The following DNAH5 variants were observed in gnomAD, a reference collection of about 807,000 sequenced individuals.
DNAH5 encodes the protein axonemal beta dynein heavy chain 5.
In DNAH5, 372 loss-of-function variants were observed where a neutral mutation model predicts 518.2. That is an observed-to-expected ratio of 0.72 (90% CI 0.66 to 0.78). DNAH5 has a LOEUF of 0.78. Ranked by LOEUF, DNAH5 falls within the 30% of genes least tolerant of loss-of-function variation. DNAH5 has a pLI of 0.00. For missense variants in DNAH5, 5,523 were observed against 5,687.0 expected (o/e 0.97, Z 0.93); for synonymous variants, 2,039 against 2,025.9 (o/e 1.01, Z -0.17).
intron 61 of DNAH5, among the ~76,000 whole-genome samples, chr5:13,757,795 C>A (rs999457760): frequency 6.6e-6 from 1 of 152,078 alleles, no homozygotes; most frequent in African/African-American, 2.4e-5. Context: ...ATTTACTTTG[C>A]TTGTGGAAGA....
At chr5:13,731,279 C>G (rs1268489321) in intron 68 of DNAH5, among the ~76,000 whole-genome samples, 1 of 152,074 alleles carries the variant, frequency 6.6e-6, no homozygotes, top group Non-Finnish European at 1.5e-5. Context: ...TGAGCAAAGA[C>G]CTAAAGACAA....
At chr5:13,812,656 CTTTTT>C (rs1760876591) in intron 43 of DNAH5, among the ~76,000 whole-genome samples, 1 of 152,044 alleles carries the variant, frequency 6.6e-6, no homozygotes, top group Admixed American at 6.6e-5. Context: ...TTAGTTGTTT[CTTTTT>C]ATTTCTTCTA....
At chr5:13,730,622 G>A (rs898773652) in intron 68 of DNAH5, among the ~76,000 whole-genome samples, 7 of 151,694 alleles carry the variant, frequency 4.6e-5, no homozygotes, top group African/African-American at 1.7e-4. Context: ...TTTTAGTGAA[G>A]ACGAGGTTTC....
At chr5:13,794,113 C>A in intron 47 of DNAH5, 55 bp from the exon 48 acceptor site, 1 of 1,610,922 alleles carries the variant, frequency 6.2e-7, no homozygotes, top group South Asian at 1.1e-5. Context: ...AAAACCTGGT[C>A]AATTATTTTA....
intron 78 of DNAH5, among the ~76,000 whole-genome samples, chr5:13,693,650 CAG>C (rs1315385940): frequency 6.6e-6 from 1 of 152,202 alleles, no homozygotes; most frequent in Non-Finnish European, 1.5e-5. Flanking sequence ...GAATAGAGGT[CAG>C]GGATAATGCT....
intron 17 of DNAH5, among the ~76,000 whole-genome samples, chr5:13,886,523 C>A (rs1772458891): frequency 1.3e-5 from 2 of 152,182 alleles, no homozygotes. Context: ...AAAGACACTA[C>A]CCACCCTTCT....
intron 1 of DNAH5, among the ~76,000 whole-genome samples, chr5:13,990,569 T>TA (rs1422994609): frequency 4.0e-5 from 5 of 125,754 alleles, no homozygotes; most frequent in Non-Finnish European, 8.5e-5. Flanking sequence ...CAAAATGAAG[T>TA]AAAATAAAAA....
intron 12 of DNAH5, among the ~76,000 whole-genome samples, chr5:13,904,409 T>C (rs547450933): frequency 2.0e-5 from 3 of 148,434 alleles, no homozygotes; most frequent in African/African-American, 4.9e-5. Flanking sequence ...TATAGATATA[T>C]ATATTATAGA....
intron 65 of DNAH5, among the ~76,000 whole-genome samples, chr5:13,746,493 G>T (rs1002912383): frequency 1.3e-5 from 2 of 152,126 alleles, no homozygotes; most frequent in African/African-American, 4.8e-5. Context: ...AGATCCCTGG[G>T]CACCTGGCCT....
At chr5:14,006,857 T>G (rs578240201) in intron 1 of DNAH5, among the ~76,000 whole-genome samples, 24 of 152,310 alleles carry the variant, frequency 1.6e-4, no homozygotes, top group African/African-American at 5.8e-4. Flanking sequence ...CCAGGCCCTA[T>G]CTGGTCCTCG....
intron 29 of DNAH5, 142 bp from the exon 30 acceptor site, chr5:13,859,747 C>G: frequency 1.3e-6 from 1 of 768,672 alleles, no homozygotes; most frequent in Non-Finnish European, 2.2e-6. Context: ...GTGATGCAAC[C>G]AAGTGATTAA....
At chr5:13,717,061 C>T (rs979109167) in intron 73 of DNAH5, among the ~76,000 whole-genome samples, 1 of 152,176 alleles carries the variant, frequency 6.6e-6, no homozygotes, top group African/African-American at 2.4e-5. Context: ...CCCACACCCC[C>T]TGAGAACAGG....
intron 1 of DNAH5, among the ~76,000 whole-genome samples, chr5:13,980,510 C>G (rs184279659): frequency 8.4e-4 from 128 of 152,218 alleles, no homozygotes; most frequent in African/African-American, 3.1e-3. Flanking sequence ...AGGCAACCAG[C>G]CTTGCGGTCT....
chr5:13,994,105 C>T lies in DNAH5; in HGVS notation c.12+17543G>A, dbSNP rs1316185953. ...GACTCCTGCCCCGCACGCATCCCAG[C>T]CTCCGCCTACAGGCTTCCCACTGCA... is the stretch of plus-strand genomic sequence containing the variant. On this transcript the variant is annotated intron_variant, in intron 1 of 78. Coordinates refer to the DNAH5 transcript ENST00000681290. 1.3e-5 allele frequency among the ~76,000 whole-genome samples: 2 copies of T among 152,164 alleles called. 1 individual carries two copies. The highest frequency in any genetic ancestry group is 4.1e-4 in the South Asian group (2 of 4,828).
chr5:13,734,707 C>T (rs903300653), intron 68 of DNAH5, among the ~76,000 whole-genome samples: 1 of 152,084 alleles, frequency 6.6e-6, no homozygotes, highest in African/African-American at 2.4e-5. Flanking sequence ...CTTAGGAATG[C>T]CACCCCATTA....
In DNAH5 at chr5:13,867,861, T is replaced by G. The variant is rs775449337; in HGVS notation, c.3966A>C (p.Ser1322=). ...GCTCTTTCTTGAAACTGGGCTGCAG[T>G]GAGACTAATTTATTCTGGACTTCGC... ...RAGEVQNKLV[S]LQPSFKKELI... is the part of the protein sequence containing the mutation. The change falls in exon 25 of 79, where the codon TCA becomes TCC. Residue 1322 remains serine (S), a synonymous_variant. Coordinates refer to ENST00000265104, the MANE Select transcript of DNAH5 (RefSeq NM_001369.3). The G allele has an allele frequency of 2.6e-5, 42 of 1,613,852 alleles. No individual in the cohort carries two copies. Among genetic ancestry groups the G allele is most frequent in the Non-Finnish European group, 3.5e-5 (41 of 1,179,854 alleles).
intron 1 of DNAH5, among the ~76,000 whole-genome samples, chr5:13,993,815 A>G (rs1437940197): frequency 6.6e-6 from 1 of 152,124 alleles, no homozygotes; most frequent in Non-Finnish European, 1.5e-5. Context: ...ATCTGACCCA[A>G]ACACACAGTC....
intron 72 of DNAH5, 126 bp downstream of exon 72, chr5:13,718,756 C>G: frequency 1.3e-6 from 1 of 792,572 alleles, no homozygotes; most frequent in Non-Finnish European, 2.2e-6. Flanking sequence ...ACCATCACCT[C>G]CCCATCAGGT....
At chr5:13,963,733 C>G (rs998984844) in intron 1 of DNAH5, among the ~76,000 whole-genome samples, 3 of 152,088 alleles carry the variant, frequency 2.0e-5, no homozygotes, top group Non-Finnish European at 4.4e-5. Flanking sequence ...CCCACTACCC[C>G]CCTCCTCCAC....
Sources: allele counts gnomAD v4.1 joint callset (sites outside exome capture counted in the v4.1 genomes callset), GRCh38; gene constraint gnomAD v4.1.1; transcripts MANE v1.5; gene names NCBI Gene and HGNC (gene_info 2026-07-23, HGNC 2026-07-21).